ZNF282: variants seen among roughly 807,000 people sequenced by gnomAD.
ZNF282 encodes the protein zinc finger protein 282, also known as HTLV-I U5 repressive element-binding protein 1.
In ZNF282, 30 loss-of-function variants were observed where a neutral mutation model predicts 61.9. That is an observed-to-expected ratio of 0.48 (90% CI 0.36 to 0.66). The LOEUF (loss-of-function observed/expected upper bound fraction) is 0.66, where lower values mean the gene tolerates loss of function less well. Ranked by LOEUF, ZNF282 falls within the 30% of genes least tolerant of loss-of-function variation. The pLI is 0.00. For synonymous variants in ZNF282, 396 were observed against 405.0 expected (o/e 0.98, Z 0.27); for missense variants, 788 against 941.4 (o/e 0.84, Z 2.13).
In ZNF282 at chr7:149,206,815, G is replaced by T. The variant is rs144221533; in HGVS notation, c.705G>T (p.Met235Ile). 15 of 1,614,098 alleles carry T rather than the reference G, an allele frequency of 9.3e-6. No individual in the cohort carries two copies. The highest frequency in any genetic ancestry group is 1.2e-5 in the Non-Finnish European group (14 of 1,180,028). The stretch of plus-strand genomic sequence containing the variant: ...TTAAGGAGAACTACAAAACCCTCAT[G>T]TCCCTGGGTAAGGACACCTTCTCTC... ...NLVKENYKTLMSLDAEGSVPK... is the reference protein window; with the variant it reads ...NLVKENYKTLISLDAEGSVPK... The change falls in exon 3 of 8, where the codon ATG (methionine) becomes ATT (isoleucine). Residue 235 changes from methionine (M) to isoleucine (I), a missense_variant. Physicochemically the swap from Met to Ile is conservative, Grantham distance 10. Around this residue, in one of 3 missense-constraint regions of ZNF282, gnomAD observed 559 missense variants for 642.0 expected, o/e 0.87. Transcript: ENST00000610704.
At position 149,203,679 on chromosome 7, in the gene ZNF282, A is replaced by C. The variant is rs535770594; in HGVS notation, c.586-3017A>C. The stretch of plus-strand genomic sequence containing the variant: ...GCCTGCTTGTACTGATTTTCCTATC[A>C]TTGGTCAAATGTATTTTTTGTTGTT... On this transcript the variant is annotated intron_variant, in intron 2 of 7. Coordinates refer to ENST00000610704, the MANE Select transcript of ZNF282 (RefSeq NM_003575.4). Among the ~76,000 whole-genome samples the C allele has an allele frequency of 4.6e-5, 7 of 152,270 alleles. No individual in the cohort carries two copies. In the South Asian group the frequency reaches 1.0e-3, roughly 23 times the overall value.
At chr7:149,201,713 C>T (rs1210779300) in intron 2 of ZNF282, among the ~76,000 whole-genome samples, 4 of 152,148 alleles carry the variant, frequency 2.6e-5, no homozygotes, top group African/African-American at 9.7e-5. Flanking sequence ...GATCTTACCA[C>T]TGCACTCCAG....
intron 7 of ZNF282, 107 bp from the exon 8 acceptor site, chr7:149,223,705 G>C: frequency 8.2e-7 from 1 of 1,220,136 alleles, no homozygotes; most frequent in Non-Finnish European, 1.1e-6. Context: ...CTCGTAGTTA[G>C]TGGAACTGAG....
intron 4 of ZNF282, 141 bp from the exon 5 acceptor site, chr7:149,210,444 C>T: frequency 7.1e-7 from 1 of 1,415,830 alleles, no homozygotes; most frequent in Non-Finnish European, 9.6e-7. Flanking sequence ...TGCTGTCAGC[C>T]ATGCTTCTGA....
At chr7:149,195,801 G>A in intron 1 of ZNF282, 47 bp downstream of exon 1, 1 of 1,412,480 alleles carries the variant, frequency 7.1e-7, no homozygotes, top group Non-Finnish European at 9.2e-7. Context: ...GTGGGGGCGG[G>A]GCGCGGGCTG....
At chr7:149,197,426 C>G (rs548576013) in intron 1 of ZNF282, among the ~76,000 whole-genome samples, 18 of 152,320 alleles carry the variant, frequency 1.2e-4, no homozygotes, top group Non-Finnish European at 2.4e-4. Flanking sequence ...GCTCTCCGGT[C>G]TTTTCCTTGA....
At chr7:149,210,757 G>GAGGA (rs1796072627) in intron 5 of ZNF282, 53 bp downstream of exon 5, 3 of 1,489,398 alleles carry the variant, frequency 2.0e-6, no homozygotes, top group Admixed American at 2.6e-5. Context: ...AGGGGAGAGG[G>GAGGA]TTAGCATGGT....
intron 7 of ZNF282, among the ~76,000 whole-genome samples, chr7:149,222,119 T>C (rs1796264750): frequency 6.6e-6 from 1 of 152,146 alleles, no homozygotes; most frequent in Non-Finnish European, 1.5e-5. Context: ...GACGTCACCA[T>C]TCTGATGCTC....
intron 4 of ZNF282, among the ~76,000 whole-genome samples, chr7:149,208,248 G>A (rs1382518619): frequency 3.3e-5 from 5 of 152,170 alleles, no homozygotes; most frequent in South Asian, 2.1e-4. Context: ...GGAATGCAGC[G>A]GTGCAATCTC....
At chr7:149,201,466 C>T (rs1795908400) in intron 2 of ZNF282, among the ~76,000 whole-genome samples, 1 of 152,126 alleles carries the variant, frequency 6.6e-6, no homozygotes, top group Non-Finnish European at 1.5e-5. Context: ...TTAAACCTCC[C>T]AAATGGCTGG....
At chr7:149,214,713 G>GT (rs1410597119) in intron 7 of ZNF282, among the ~76,000 whole-genome samples, 1 of 152,080 alleles carries the variant, frequency 6.6e-6, no homozygotes, top group Non-Finnish European at 1.5e-5. Flanking sequence ...TATGCCTGTG[G>GT]TCCCAGCTAC....
intron 1 of ZNF282, among the ~76,000 whole-genome samples, chr7:149,196,490 C>T (rs1795818802): frequency 6.6e-6 from 1 of 152,202 alleles, no homozygotes; most frequent in East Asian, 1.9e-4. Flanking sequence ...GGTATAAAAC[C>T]AGGGGAGGTG....
chr7:149,219,026 C>G (rs1028825595), intron 7 of ZNF282, among the ~76,000 whole-genome samples: 1 of 152,090 alleles, frequency 6.6e-6, no homozygotes, highest in African/African-American at 2.4e-5. Context: ...TTTGGCGTTC[C>G]GAGTTTCTGT....
rs1368137539 is a variant in ZNF282, at chr7:149,226,012, TCCTC to T, written c.*1368_*1371del. On this transcript the variant is annotated 3_prime_UTR_variant, in exon 8 of 8. Transcript: ENST00000610704. ...CCTGCCCTTGCCGTGGGTCCGGCGTTCCTCCCAGCCGGGATCACAGTGGGCAGCC... is the reference window on the plus strand; with the variant it reads ...CCTGCCCTTGCCGTGGGTCCGGCGTTCCAGCCGGGATCACAGTGGGCAGCC... The T allele has an allele frequency of 6.6e-6, 1 of 152,654 alleles. No homozygotes were observed. The highest frequency in any genetic ancestry group is 1.5e-5 in the Non-Finnish European group (1 of 68,096). 9.5% of individuals were successfully genotyped at this position (152,654 alleles called of 1,614,324 possible). A position where few individuals can be genotyped will look rare whatever the true frequency, so the allele number is the denominator to read the frequency against.
Position 149,207,339 on chromosome 7 carries a change from C to T in ZNF282, c.713-12C>T, listed in dbSNP as rs1470903029. The T allele has an allele frequency of 6.3e-7, 1 of 1,586,534 alleles. No individual in the cohort carries two copies. The highest frequency in any genetic ancestry group is 1.7e-5 in the Admixed American group (1 of 57,338). ...TTCACTCAGCCTTTCCCTCCCTCCT[C>T]CTCACTTCCAGACGCGGAGGGCTCA... On this transcript the variant is annotated splice_polypyrimidine_tract_variant and intron_variant, in intron 3 of 7. Transcript: ENST00000610704.
In ZNF282 at chr7:149,210,575, C is replaced by T; in HGVS notation, c.833-10C>T. On this transcript the variant is annotated splice_polypyrimidine_tract_variant and intron_variant, in intron 4 of 7. Transcript: ENST00000610704. ...AAAAGACACAAAGCAATGTCATTCT[C>T]TGTCCCCAGGAGCAGAGCCCCTGGT... 1.2e-6 allele frequency: 2 copies of T among 1,609,390 alleles called. No individual in the cohort carries two copies. The highest frequency in any genetic ancestry group is 1.1e-5 in the South Asian group (1 of 89,864).
At chr7:149,215,436 C>G (rs1009973627) in intron 7 of ZNF282, among the ~76,000 whole-genome samples, 1 of 152,250 alleles carries the variant, frequency 6.6e-6, no homozygotes, top group East Asian at 1.9e-4. Flanking sequence ...CTCCTGACCT[C>G]AGGTGATCTG....
chr7:149,212,422 G>A lies in ZNF282; in HGVS notation c.1017G>A (p.Trp339Ter). The stretch of plus-strand genomic sequence containing the variant: ...AACAGGAGGAGCATCAGTGCGTGTG[G>A]GATCAGCAGGATTTGGCAGACAGAG... Reference protein sequence around the residue: ...RIKQEEHQCVWDQQDLADRDI... With the variant: ...RIKQEEHQCV The change falls in exon 6 of 8, where the codon TGG (tryptophan) becomes TGA (stop). Residue 339 changes from tryptophan (W) to a stop codon, truncating the protein, a stop_gained. Coordinates refer to ENST00000610704, the MANE Select transcript of ZNF282 (RefSeq NM_003575.4). LOFTEE classifies it high-confidence loss of function. The A allele has an allele frequency of 6.2e-7, 1 of 1,613,164 alleles. No homozygotes were observed. The highest frequency in any genetic ancestry group is 8.5e-7 in the Non-Finnish European group (1 of 1,179,618).
chr7:149,212,585 A>AT (rs1210842149), intron 6 of ZNF282, 114 bp downstream of exon 6: 1 of 883,394 alleles, frequency 1.1e-6, no homozygotes, highest in Non-Finnish European at 1.7e-6. Flanking sequence ...TTCAGCACTG[A>AT]TTTTTTGTTC....
Sources: gnomAD v4.1 joint callset for allele counts (sites outside exome capture counted in the v4.1 genomes callset) on GRCh38, gnomAD v4.1.1 for gene constraint, gnomAD v4.1.1 regional missense constraint, MANE v1.5 for transcripts, NCBI Gene and HGNC (gene_info 2026-07-23, HGNC 2026-07-21) for gene names.